The following GPM6A variants were observed in gnomAD, a reference collection of about 807,000 sequenced individuals.
GPM6A encodes the protein glycoprotein M6A, also known as neuronal membrane glycoprotein M6-a.
In GPM6A, 7 loss-of-function variants were observed where a neutral mutation model predicts 32.1. That is an observed-to-expected ratio of 0.22 (90% CI 0.12 to 0.41). The LOEUF is 0.41. Among genes scored for constraint, GPM6A ranks in the 10% least tolerant of loss-of-function variants. The probability of loss-of-function intolerance (pLI) is 1.00; values close to 1 mark genes in which losing one functional copy is unlikely to be tolerated. For missense variants in GPM6A, 235 were observed against 347.2 expected (o/e 0.68, Z 2.57); for synonymous variants, 130 against 123.4 (o/e 1.05, Z -0.35).
intron 1 of GPM6A, among the ~76,000 whole-genome samples, chr4:175,722,816 G>C (rs753416948): frequency 6.6e-6 from 1 of 152,080 alleles, no homozygotes; most frequent in Non-Finnish European, 1.5e-5. Flanking sequence ...GGCTAAGGCG[G>C]GCGAATCGCT....
At chr4:175,693,185 T>C (rs771146550) in intron 2 of GPM6A, among the ~76,000 whole-genome samples, 1 of 151,638 alleles carries the variant, frequency 6.6e-6, no homozygotes, top group Non-Finnish European at 1.5e-5. Context: ...GAGTGGCACG[T>C]AGTATCACCT....
At chr4:175,670,905 C>A (rs1228163822) in intron 3 of GPM6A, among the ~76,000 whole-genome samples, 2 of 148,494 alleles carry the variant, frequency 1.3e-5, no homozygotes, top group Non-Finnish European at 3.0e-5. Flanking sequence ...GCTCTGTCGC[C>A]CAGGCTGGAG....
chr4:175,692,421 T>C (rs1164003179), intron 2 of GPM6A, among the ~76,000 whole-genome samples: 1 of 152,176 alleles, frequency 6.6e-6, no homozygotes, highest in Non-Finnish European at 1.5e-5. Context: ...TAAATAATGG[T>C]ATCATTTAAA....
At chr4:175,989,421 G>T (rs946325776) in intron 1 of GPM6A, among the ~76,000 whole-genome samples, 2 of 152,042 alleles carry the variant, frequency 1.3e-5, no homozygotes, top group Non-Finnish European at 2.9e-5. Flanking sequence ...GAATTATGGA[G>T]ACCTACAGAC....
chr4:175,933,284 A>T (rs1190321016), intron 1 of GPM6A, among the ~76,000 whole-genome samples: 1 of 152,124 alleles, frequency 6.6e-6, no homozygotes, highest in Non-Finnish European at 1.5e-5. Flanking sequence ...TCAAATTAAA[A>T]CCAGAGTGAG....
intron 1 of GPM6A, among the ~76,000 whole-genome samples, chr4:175,828,308 G>A (rs368687254): frequency 1.3e-5 from 2 of 152,206 alleles, no homozygotes; most frequent in African/African-American, 2.4e-5. Context: ...TTGAAAGCAC[G>A]TGAGTTTTTC....
chr4:175,646,142 C>T (rs1741450820), intron 4 of GPM6A, among the ~76,000 whole-genome samples: 2 of 152,120 alleles, frequency 1.3e-5, no homozygotes, highest in Admixed American at 1.3e-4. Context: ...TGATTAGCAA[C>T]CTTAATTCCA....
intron 4 of GPM6A, among the ~76,000 whole-genome samples, chr4:175,649,329 T>A (rs189352773): frequency 6.6e-6 from 1 of 152,318 alleles, no homozygotes; most frequent in African/African-American, 2.4e-5. Context: ...AATTTGGGGA[T>A]CACAAGCACT....
intron 3 of GPM6A, 39 bp from the exon 4 acceptor site, chr4:175,652,026 T>C (rs1270790773): frequency 1.3e-6 from 2 of 1,542,130 alleles, no homozygotes; most frequent in South Asian, 1.2e-5. Flanking sequence ...AAATGTAATC[T>C]ACCAAAAAAG....
At chr4:175,694,621 C>A (rs565372361) in intron 2 of GPM6A, among the ~76,000 whole-genome samples, 1 of 151,842 alleles carries the variant, frequency 6.6e-6, no homozygotes, top group Non-Finnish European at 1.5e-5. Flanking sequence ...TATTCACAAC[C>A]AAAGAAAGGA....
chr4:175,879,963 T>C (rs1387055852), intron 1 of GPM6A, among the ~76,000 whole-genome samples: 1 of 152,210 alleles, frequency 6.6e-6, no homozygotes, highest in Non-Finnish European at 1.5e-5. Flanking sequence ...TCCTTGCCCA[T>C]GCCTATGTCC....
At chr4:175,947,127 T>C (rs924923703) in intron 1 of GPM6A, among the ~76,000 whole-genome samples, 1 of 152,114 alleles carries the variant, frequency 6.6e-6, no homozygotes, top group African/African-American at 2.4e-5. Context: ...AATAATTTTC[T>C]TTCTAATTTT....
intron 1 of GPM6A, among the ~76,000 whole-genome samples, chr4:175,963,798 C>T (rs1023806200): frequency 3.3e-5 from 5 of 151,728 alleles, no homozygotes; most frequent in East Asian, 1.9e-4. Flanking sequence ...ACAATGTATT[C>T]GATGATTTTA....
At chr4:175,699,522 T>C (rs980116874) in intron 2 of GPM6A, among the ~76,000 whole-genome samples, 6 of 152,198 alleles carry the variant, frequency 3.9e-5, no homozygotes, top group Non-Finnish European at 5.9e-5. Flanking sequence ...TAATTCTTCA[T>C]TCCCATTTGT....
At chr4:175,908,100 T>A (rs771471909) in intron 1 of GPM6A, among the ~76,000 whole-genome samples, 16 of 152,162 alleles carry the variant, frequency 1.1e-4, no homozygotes, top group Non-Finnish European at 2.2e-4. Context: ...AACGAATAAC[T>A]ATTTGGCCAT....
In GPM6A at chr4:175,734,149, TATATA is replaced by T. The variant is rs1416238264; in HGVS notation, c.38-32387_38-32383del. Among the ~76,000 whole-genome samples, 25 of 145,314 alleles carry T rather than the reference TATATA, an allele frequency of 1.7e-4. No homozygotes were observed. In the East Asian group the frequency reaches 6.2e-3, roughly 36 times the overall value. ...TTAATTTTTGCCATATATATATATATATATATATATATTTTTTAATTTCAACATCT... is the reference window on the plus strand; with the variant it reads ...TTAATTTTTGCCATATATATATATATTATATATTTTTTAATTTCAACATCT... On this transcript the variant is annotated intron_variant, in intron 1 of 6. Transcript: ENST00000393658.
At chr4:175,709,589 G>C (rs552491642) in intron 1 of GPM6A, among the ~76,000 whole-genome samples, 1 of 151,914 alleles carries the variant, frequency 6.6e-6, no homozygotes, top group Non-Finnish European at 1.5e-5. Flanking sequence ...TTAGCCGAGC[G>C]TGGTGGCGCT....
At chr4:175,674,486 A>C (rs1411777946) in intron 2 of GPM6A, among the ~76,000 whole-genome samples, 1 of 152,136 alleles carries the variant, frequency 6.6e-6, no homozygotes, top group Non-Finnish European at 1.5e-5. Flanking sequence ...TTCATTTGTT[A>C]AGTAGGGTAA....
intron 1 of GPM6A, among the ~76,000 whole-genome samples, chr4:175,889,885 G>GA (rs1214228507): frequency 6.6e-6 from 1 of 151,898 alleles, no homozygotes; most frequent in Non-Finnish European, 1.5e-5. Flanking sequence ...AAGAGGCCAT[G>GA]AAAAAAGGAA....
Sources: allele counts gnomAD v4.1 joint callset (sites outside exome capture counted in the v4.1 genomes callset), GRCh38; gene constraint gnomAD v4.1.1; transcripts MANE v1.5; gene names NCBI Gene and HGNC (gene_info 2026-07-23, HGNC 2026-07-21).